The following NXPE2 variants were observed in gnomAD, a reference collection of about 807,000 sequenced individuals.
NXPE2 encodes neurexophilin and PC-esterase domain family member 2.
Under a neutral mutation model 34.4 loss-of-function variants are expected in NXPE2, and 34 were observed. The ratio of observed to expected loss-of-function variants is 0.99; its 90% CI spans 0.75 to 1.31. The LOEUF (loss-of-function observed/expected upper bound fraction) is 1.31, where lower values mean the gene tolerates loss of function less well. Among genes scored for constraint, NXPE2 ranks in the 40% most tolerant of loss-of-function variants. The probability of loss-of-function intolerance (pLI) is 0.00; values close to 1 mark genes in which losing one functional copy is unlikely to be tolerated. For missense variants in NXPE2, 649 were observed against 672.5 expected (o/e 0.97, Z 0.39); for synonymous variants, 235 against 231.3 (o/e 1.02, Z -0.15).
At chr11:114,770,117 A>T in the NXPE2 span, among the ~76,000 whole-genome samples, 11 of 152,200 alleles carry the variant, frequency 7.2e-5, no homozygotes, top group Non-Finnish European at 1.5e-4. Flanking sequence ...TCAAATCTGC[A>T]AAGATCTTTC....
chr11:114,582,775 C>G, the NXPE2 span: 1 of 1,614,192 alleles, frequency 6.2e-7, no homozygotes, highest in Non-Finnish European at 8.5e-7. Flanking sequence ...TGCAGCTGGT[C>G]TCCCCTGCAG....
At chr11:114,708,629 C>CA (rs527711557), downstream of NXPE2, among the ~76,000 whole-genome samples, 2,551 of 117,012 alleles carry the variant, frequency 0.022, 45 homozygotes, top group African/African-American at 0.044. Flanking sequence ...GACTCCATCT[C>CA]AAAAAAAAAA....
the NXPE2 span, among the ~76,000 whole-genome samples, chr11:114,806,472 T>G: frequency 6.6e-6 from 1 of 151,868 alleles, no homozygotes; most frequent in Non-Finnish European, 1.5e-5. Context: ...AATGGATAAC[T>G]AGAATAATCA....
At chr11:114,487,917 T>G in the NXPE2 span, among the ~76,000 whole-genome samples, 1 of 152,228 alleles carries the variant, frequency 6.6e-6, no homozygotes, top group Non-Finnish European at 1.5e-5. Context: ...AGTATTTTGT[T>G]GAGGATTTTT....
the NXPE2 span, among the ~76,000 whole-genome samples, chr11:114,588,625 G>T: frequency 6.6e-6 from 1 of 152,110 alleles, no homozygotes; most frequent in Non-Finnish European, 1.5e-5. Flanking sequence ...TGACAACCTT[G>T]TTTGGAACCC....
the NXPE2 span, among the ~76,000 whole-genome samples, chr11:114,481,582 C>G: frequency 6.6e-6 from 1 of 152,202 alleles, no homozygotes; most frequent in African/African-American, 2.4e-5. Flanking sequence ...CAACACAGAT[C>G]ATATTTAAGG....
the NXPE2 span, among the ~76,000 whole-genome samples, chr11:114,584,846 A>C: frequency 6.6e-6 from 1 of 152,178 alleles, no homozygotes; most frequent in African/African-American, 2.4e-5. Flanking sequence ...TAAGACCCTG[A>C]GCCCAGGGCA....
the NXPE2 span, chr11:114,582,800 G>T: frequency 6.2e-7 from 1 of 1,614,184 alleles, no homozygotes; most frequent in East Asian, 2.2e-5. Flanking sequence ...TATCTCGAGG[G>T]TTGAGGATGG....
the NXPE2 span, among the ~76,000 whole-genome samples, chr11:114,605,732 C>T: frequency 6.6e-6 from 1 of 151,570 alleles, no homozygotes; most frequent in Non-Finnish European, 1.5e-5. Flanking sequence ...AACCACTTTG[C>T]CCAGTGGATA....
the NXPE2 span, among the ~76,000 whole-genome samples, chr11:114,535,939 A>G: frequency 1.3e-5 from 2 of 152,186 alleles, no homozygotes; most frequent in African/African-American, 4.8e-5. Context: ...GACCTAATAG[A>G]CATCTACAGA....
the NXPE2 span, among the ~76,000 whole-genome samples, chr11:114,618,202 AT>A: frequency 1.3e-5 from 2 of 151,262 alleles, no homozygotes; most frequent in African/African-American, 4.9e-5. Flanking sequence ...GTATTGCCTC[AT>A]TGGTCACCAC....
At chr11:114,552,437 A>G in the NXPE2 span, among the ~76,000 whole-genome samples, 1 of 152,184 alleles carries the variant, frequency 6.6e-6, no homozygotes, top group Non-Finnish European at 1.5e-5. Context: ...TTCCATGTCC[A>G]GTGTCTAGCA....
the NXPE2 span, among the ~76,000 whole-genome samples, chr11:114,597,254 G>T: frequency 6.6e-6 from 1 of 151,856 alleles, no homozygotes; most frequent in Admixed American, 6.6e-5. Context: ...CCCAATAGAA[G>T]GAAAAGGAGG....
the NXPE2 span, chr11:114,522,977 G>C: frequency 3.7e-6 from 6 of 1,613,566 alleles, no homozygotes; most frequent in Non-Finnish European, 5.1e-6. Context: ...TATCTTAATT[G>C]TGTCTAACTG....
the NXPE2 span, among the ~76,000 whole-genome samples, chr11:114,798,400 T>TTTC: frequency 2.0e-5 from 3 of 152,214 alleles, no homozygotes; most frequent in Non-Finnish European, 4.4e-5. Flanking sequence ...TCCCTTCCCT[T>TTTC]TTCTTCTTTC....
chr11:114,596,045 A>G, the NXPE2 span, among the ~76,000 whole-genome samples: 2 of 152,332 alleles, frequency 1.3e-5, no homozygotes, highest in Admixed American at 1.3e-4. Context: ...AAAAAGAGCC[A>G]CAAGTTTGAA....
the NXPE2 span, among the ~76,000 whole-genome samples, chr11:114,653,339 C>A: frequency 6.6e-6 from 1 of 152,164 alleles, no homozygotes; most frequent in African/African-American, 2.4e-5. Context: ...GTTCTTGGTA[C>A]TTTTATTGTC....
chr11:114,725,399 T>C, the NXPE2 span, among the ~76,000 whole-genome samples: 1,723 of 152,228 alleles, frequency 0.011, 26 homozygotes, highest in African/African-American at 0.038. Context: ...GTTTATTATA[T>C]AGCCTCCTTC....
intron 2 of NXPE2, among the ~76,000 whole-genome samples, chr11:114,683,219 T>C (rs1950978700): frequency 6.6e-6 from 1 of 152,144 alleles, no homozygotes; most frequent in South Asian, 2.1e-4. Flanking sequence ...GCTTGGACTT[T>C]CTGGTTTGTT....
Sources: gnomAD v4.1 joint callset for allele counts (sites outside exome capture counted in the v4.1 genomes callset) on GRCh38, gnomAD v4.1.1 for gene constraint, MANE v1.5 for transcripts, NCBI Gene and HGNC (gene_info 2026-07-23, HGNC 2026-07-21) for gene names.